Variants in QRICH1 observed in about 807,000 individuals in gnomAD.
QRICH1 encodes transcriptional regulator QRICH1.
A neutral mutation model predicts 87.1 loss-of-function variants in QRICH1; 16 were observed. The ratio of observed to expected loss-of-function variants is 0.18; its 90% CI spans 0.12 to 0.28. The LOEUF (loss-of-function observed/expected upper bound fraction) is 0.28, where lower values mean the gene tolerates loss of function less well. Ranked by LOEUF, QRICH1 falls within the 10% of genes least tolerant of loss-of-function variation. The pLI is 1.00. For missense variants in QRICH1, 647 were observed against 951.7 expected (o/e 0.68, Z 4.21); for synonymous variants, 367 against 368.4 (o/e 1.00, Z 0.05).
chr3:49,071,192 G>A (rs933958031), intron 2 of QRICH1, among the ~76,000 whole-genome samples: 23 of 151,914 alleles, frequency 1.5e-4, no homozygotes, highest in Non-Finnish European at 3.1e-4. Flanking sequence ...AGCCTCCCGA[G>A]TAGCTGGGAC....
chr3:49,078,448 G>T (rs1470359193), intron 1 of QRICH1, among the ~76,000 whole-genome samples: 2 of 122,124 alleles, frequency 1.6e-5, no homozygotes, highest in African/African-American at 6.1e-5. Flanking sequence ...AGGCTGGAGT[G>T]CAGTGGCTTG....
chr3:49,042,197 A>G (rs1357261077), intron 6 of QRICH1, among the ~76,000 whole-genome samples: 2 of 150,592 alleles, frequency 1.3e-5, no homozygotes, highest in Non-Finnish European at 3.0e-5. Context: ...TCCCAGGTTC[A>G]TGCCATTCTC....
At chr3:49,060,810 G>C in intron 2 of QRICH1, among the ~76,000 whole-genome samples, 1 of 152,042 alleles carries the variant, frequency 6.6e-6, no homozygotes, top group Non-Finnish European at 1.5e-5. Context: ...CAAATGTGAG[G>C]TATCTAGGCT....
chr3:49,081,629 C>G (rs1362739148), intron 1 of QRICH1, among the ~76,000 whole-genome samples: 1 of 152,018 alleles, frequency 6.6e-6, no homozygotes, highest in African/African-American at 2.4e-5. Context: ...GCCGCCCAAG[C>G]GGCTGGGACT....
chr3:49,065,702 AC>A (rs2093464419), intron 2 of QRICH1, among the ~76,000 whole-genome samples: 1 of 148,910 alleles, frequency 6.7e-6, no homozygotes, highest in Admixed American at 6.7e-5. Context: ...TTTTTTTGAG[AC>A]GGAGTCTCCC....
intron 1 of QRICH1, among the ~76,000 whole-genome samples, chr3:49,090,978 T>C (rs1365683863): frequency 6.6e-6 from 1 of 152,176 alleles, no homozygotes; most frequent in Non-Finnish European, 1.5e-5. Context: ...ATCCCAGCAC[T>C]TTGGGAGGCC....
chr3:49,068,115 G>C (rs2093478622), intron 2 of QRICH1, among the ~76,000 whole-genome samples: 1 of 152,152 alleles, frequency 6.6e-6, no homozygotes, highest in Admixed American at 6.6e-5. Flanking sequence ...TCCTAAATCA[G>C]GAGGCTATGG....
At chr3:49,087,534 G>T (rs2107039924) in intron 1 of QRICH1, among the ~76,000 whole-genome samples, 1 of 151,234 alleles carries the variant, frequency 6.6e-6, no homozygotes, top group Middle Eastern at 3.4e-3. Flanking sequence ...AACAGAGCAA[G>T]ACTCCATCTC....
At chr3:49,054,657 C>T (rs538040409) in intron 3 of QRICH1, among the ~76,000 whole-genome samples, 1 of 152,294 alleles carries the variant, frequency 6.6e-6, no homozygotes, top group East Asian at 1.9e-4. Context: ...GTAATCCCAA[C>T]ATTCTGGGAG....
At chr3:49,047,317 A>G in intron 3 of QRICH1, 71 bp from the exon 4 acceptor site, 1 of 1,383,518 alleles carries the variant, frequency 7.2e-7, no homozygotes, top group Non-Finnish European at 1.0e-6. Context: ...ATTGCCAGAA[A>G]AATGTTATGT....
chr3:49,076,660 A>G, intron 2 of QRICH1, 49 bp downstream of exon 2: 1 of 1,415,798 alleles, frequency 7.1e-7, no homozygotes, highest in Non-Finnish European at 9.3e-7. Flanking sequence ...AAACACTGAC[A>G]ACAAATAAAG....
At chr3:49,088,137 T>C (rs963888209) in intron 1 of QRICH1, among the ~76,000 whole-genome samples, 6 of 151,596 alleles carry the variant, frequency 4.0e-5, no homozygotes, top group Admixed American at 2.0e-4. Flanking sequence ...TATTTTTTAG[T>C]AGAGAGAAAG....
At chr3:49,043,081 T>C (rs2093319708) in intron 6 of QRICH1, among the ~76,000 whole-genome samples, 1 of 152,176 alleles carries the variant, frequency 6.6e-6, no homozygotes. Flanking sequence ...AAATGTACCA[T>C]ACTAACGCAA....
chr3:49,040,297 T>C (rs753092803), intron 6 of QRICH1, among the ~76,000 whole-genome samples: 3 of 152,192 alleles, frequency 2.0e-5, no homozygotes, highest in Non-Finnish European at 2.9e-5. Context: ...TTCCATTCCT[T>C]TGTGTTCTGT....
At chr3:49,085,597 A>G (rs1052072378) in intron 1 of QRICH1, among the ~76,000 whole-genome samples, 1 of 151,974 alleles carries the variant, frequency 6.6e-6, no homozygotes, top group East Asian at 1.9e-4. Flanking sequence ...TCTACTAAAA[A>G]TACAAAAAAA....
intron 6 of QRICH1, among the ~76,000 whole-genome samples, chr3:49,037,252 C>CA (rs1022859928): frequency 6.6e-6 from 1 of 151,838 alleles, no homozygotes; most frequent in Non-Finnish European, 1.5e-5. Flanking sequence ...CAAAACAAAA[C>CA]AAAAAATCCG....
chr3:49,035,620 T>C (rs1475245052), intron 6 of QRICH1, among the ~76,000 whole-genome samples: 1 of 149,598 alleles, frequency 6.7e-6, no homozygotes, highest in African/African-American at 2.5e-5. Context: ...CTGGGCAACA[T>C]AGGGAGACCC....
intron 9 of QRICH1, among the ~76,000 whole-genome samples, chr3:49,031,280 G>A (rs910650567): frequency 6.6e-6 from 1 of 152,162 alleles, no homozygotes; most frequent in Non-Finnish European, 1.5e-5. Flanking sequence ...GAGCCACGGT[G>A]CCCAGCCTCA....
intron 3 of QRICH1, among the ~76,000 whole-genome samples, chr3:49,051,102 C>G (rs983466650): frequency 1.3e-5 from 2 of 152,138 alleles, no homozygotes; most frequent in African/African-American, 4.8e-5. Context: ...GACCTTTGAT[C>G]CAGATGCTGC....
Sources: gnomAD v4.1 joint callset for allele counts (sites outside exome capture counted in the v4.1 genomes callset) on GRCh38, gnomAD v4.1.1 for gene constraint, MANE v1.5 for transcripts, NCBI Gene and HGNC (gene_info 2026-07-23, HGNC 2026-07-21) for gene names.